LGR6: variants seen among roughly 807,000 people sequenced by gnomAD.
The protein encoded by LGR6 is leucine-rich repeat-containing G protein-coupled receptor 6.
LGR6 carries 45 observed loss-of-function variants against 69.4 expected under a neutral mutation model. The observed-to-expected ratio is 0.65, with a 90% CI of 0.51 to 0.83. The LOEUF (loss-of-function observed/expected upper bound fraction) is 0.83. Among genes scored for constraint, LGR6 ranks in the 40% least tolerant of loss-of-function variants. The pLI is 0.00. For synonymous variants in LGR6, 538 were observed against 555.0 expected, an observed-to-expected ratio of 0.97 and a Z score of 0.43; for missense variants, 1,108 against 1,246.7, an observed-to-expected ratio of 0.89 and a Z score of 1.68.
intron 2 of LGR6, among the ~76,000 whole-genome samples, chr1:202,226,697 G>GA (rs1417665707): frequency 6.6e-6 from 1 of 152,250 alleles, no homozygotes; most frequent in African/African-American, 2.4e-5. Context: ...AGGTGAGGCT[G>GA]AAGAGTAGTG....
At chr1:202,258,605 A>G (rs1663976323) in intron 4 of LGR6, among the ~76,000 whole-genome samples, 1 of 151,844 alleles carries the variant, frequency 6.6e-6, no homozygotes, top group African/African-American at 2.4e-5. Context: ...GCTAATGTAA[A>G]GGGGGTATTT....
intron 1 of LGR6, among the ~76,000 whole-genome samples, chr1:202,211,874 T>A (rs1659475365): frequency 6.6e-6 from 1 of 152,130 alleles, no homozygotes; most frequent in Admixed American, 6.5e-5. Flanking sequence ...CGATCGTGAT[T>A]TCTAACAACA....
intron 4 of LGR6, among the ~76,000 whole-genome samples, chr1:202,265,908 A>C (rs2148122294): frequency 6.6e-6 from 1 of 152,322 alleles, no homozygotes; most frequent in Non-Finnish European, 1.5e-5. Context: ...AAAAGTGACC[A>C]AAGTGGGCAC....
At chr1:202,288,939 G>A (rs1275850821) in intron 6 of LGR6, among the ~76,000 whole-genome samples, 1 of 151,866 alleles carries the variant, frequency 6.6e-6, no homozygotes, top group Non-Finnish European at 1.5e-5. Context: ...CAGGTGAGAG[G>A]GATGTTGCCT....
chr1:202,198,221 G>A (rs1484522510), intron 1 of LGR6, among the ~76,000 whole-genome samples: 2 of 152,174 alleles, frequency 1.3e-5, no homozygotes, highest in Non-Finnish European at 2.9e-5. Context: ...GCAGGATGCT[G>A]GAGGCAGAGA....
intron 1 of LGR6, among the ~76,000 whole-genome samples, chr1:202,201,575 C>T (rs1055921056): frequency 2.0e-5 from 3 of 152,204 alleles, no homozygotes; most frequent in Non-Finnish European, 2.9e-5. Context: ...AGGCAGCCTC[C>T]CTCCTACCCA....
At chr1:202,262,327 A>C (rs980006362) in intron 4 of LGR6, among the ~76,000 whole-genome samples, 1 of 152,232 alleles carries the variant, frequency 6.6e-6, no homozygotes, top group Non-Finnish European at 1.5e-5. Context: ...TTTTCCCAGC[A>C]TCATTTATTA....
intron 17 of LGR6, among the ~76,000 whole-genome samples, chr1:202,317,243 C>T (rs921305001): frequency 6.6e-6 from 1 of 152,224 alleles, no homozygotes; most frequent in Non-Finnish European, 1.5e-5. Context: ...TGATGGCAGC[C>T]TGTCCTTCCT....
intron 16 of LGR6, among the ~76,000 whole-genome samples, chr1:202,312,215 A>G (rs1357979298): frequency 6.6e-6 from 1 of 152,250 alleles, no homozygotes; most frequent in Non-Finnish European, 1.5e-5. Flanking sequence ...CTGCTGCTCC[A>G]GCCAGATTCG....
rs571880956 is a variant in LGR6, at chr1:202,262,459, G to A, written c.429-13847G>A. On this transcript the variant is annotated intron_variant, in intron 4 of 17. Transcript: ENST00000367278. ...TTCCATTGATCTATATCTCTGTTTTGGTACCAGTACCATGCTGTTTTGGTT... is the reference window on the plus strand; with the variant it reads ...TTCCATTGATCTATATCTCTGTTTTAGTACCAGTACCATGCTGTTTTGGTT... Among the ~76,000 whole-genome samples, 423 of 151,962 alleles carry A rather than the reference G, an allele frequency of 2.8e-3. 3 individuals are homozygous for A. Among genetic ancestry groups the A allele is most frequent in the African/African-American group, 9.8e-3 (406 of 41,464 alleles).
At chr1:202,305,296 G>C (rs575414870) in intron 11 of LGR6, among the ~76,000 whole-genome samples, 4 of 152,256 alleles carry the variant, frequency 2.6e-5, no homozygotes, top group African/African-American at 9.6e-5. Flanking sequence ...CTCCAGCTCT[G>C]ATCTTTCCTG....
At chr1:202,250,417 A>T (rs568616501) in intron 4 of LGR6, among the ~76,000 whole-genome samples, 35 of 149,626 alleles carry the variant, frequency 2.3e-4, no homozygotes, top group East Asian at 9.8e-4. Context: ...TATTATTATT[A>T]TTTTTTGAGA....
At chr1:202,317,887 C>T in intron 17 of LGR6, 65 bp from the exon 18 acceptor site, 1 of 1,445,036 alleles carries the variant, frequency 6.9e-7, no homozygotes, top group Non-Finnish European at 9.4e-7. Flanking sequence ...AGAGGCTGAC[C>T]TTGGTCCTGA....
At chr1:202,204,725 C>T (rs1571806877) in intron 1 of LGR6, among the ~76,000 whole-genome samples, 1 of 131,976 alleles carries the variant, frequency 7.6e-6, no homozygotes. Flanking sequence ...CACACACCTC[C>T]TTCAAACACA....
chr1:202,198,903 T>C (rs1172353101), intron 1 of LGR6, among the ~76,000 whole-genome samples: 1 of 151,996 alleles, frequency 6.6e-6, no homozygotes, highest in African/African-American at 2.4e-5. Flanking sequence ...GTCTCATTTC[T>C]CACTTCCAAG....
chr1:202,194,351 CTG>C lies in LGR6; in HGVS notation c.212+151_212+152del. On this transcript the variant is annotated intron_variant, in intron 1 of 17. Transcript: ENST00000367278. ...CCCTTCCAAGTTGACCGTTGCGGGA[CTG>C]GGGAGGGGAGAAGAGTCTGAGACTA... The C allele has an allele frequency of 5.0e-6, 3 of 596,352 alleles. No homozygotes were observed. The South Asian group carries it at 6.5e-5, about 13-fold the overall frequency. The allele number at this position is 596,352 out of a possible 1,614,324, so 36.9% of individuals were successfully genotyped here. A position where few individuals can be genotyped will look rare whatever the true frequency, so the allele number is the denominator to read the frequency against.
At chr1:202,292,763 G>A (rs754436757) in intron 6 of LGR6, among the ~76,000 whole-genome samples, 14 of 152,230 alleles carry the variant, frequency 9.2e-5, no homozygotes, top group Non-Finnish European at 2.1e-4. Flanking sequence ...GTTCTTATAT[G>A]ATAGTTGCTT....
At chr1:202,263,084 TCTA>T (rs946940501) in intron 4 of LGR6, among the ~76,000 whole-genome samples, 86 of 152,178 alleles carry the variant, frequency 5.7e-4, no homozygotes, top group African/African-American at 2.0e-3. Flanking sequence ...TCAAATAACT[TCTA>T]CTACACCCTC....
chr1:202,275,781 C>T (rs1375755657), intron 4 of LGR6, among the ~76,000 whole-genome samples: 1 of 152,182 alleles, frequency 6.6e-6, no homozygotes, highest in Non-Finnish European at 1.5e-5. Flanking sequence ...ATGCTGAGAA[C>T]ATCTCCATTA....
Sources: gnomAD v4.1 joint callset for allele counts (sites outside exome capture counted in the v4.1 genomes callset) on GRCh38, gnomAD v4.1.1 for gene constraint, MANE v1.5 for transcripts, NCBI Gene and HGNC (gene_info 2026-07-23, HGNC 2026-07-21) for gene names.